Variants in GABBR2 observed in about 807,000 individuals in gnomAD.
GABBR2 encodes the protein gamma-aminobutyric acid type B receptor subunit 2.
A neutral mutation model predicts 105.6 loss-of-function variants in GABBR2; 23 were observed. The ratio of observed to expected loss-of-function variants is 0.22; its 90% CI spans 0.16 to 0.31. The LOEUF (loss-of-function observed/expected upper bound fraction) is 0.31, where lower values mean the gene tolerates loss of function less well. Among genes scored for constraint, GABBR2 ranks in the 10% least tolerant of loss-of-function variants. The pLI is 1.00. For missense variants in GABBR2, 734 were observed against 1,245.5 expected (o/e 0.59, Z 6.18); for synonymous variants, 478 against 499.7 (o/e 0.96, Z 0.58).
Position 98,708,465 on chromosome 9 carries a change from C to G in GABBR2, c.273G>C (p.Glu91Asp). 6.3e-7 allele frequency: 1 copy of G among 1,577,906 alleles called. No homozygotes were observed. The highest frequency in any genetic ancestry group is 8.6e-7 in the Non-Finnish European group (1 of 1,160,500). The change falls in exon 1 of 19, where the codon GAG becomes GAC. Residue 91 changes from glutamate to aspartate, a missense_variant. Glu to Asp is a conservative substitution (Grantham distance 45). This residue lies in a region of GABBR2 where 370 missense variants were observed against 648.9 expected (regional missense o/e 0.57). Transcript: ENST00000259455. Reference sequence around the variant, plus strand: ...CGAGGAAGTAGGGGCGCAGGAGTGACTCGTTGCGGATCTGCTCGATGGCCA... The same window carrying G: ...CGAGGAAGTAGGGGCGCAGGAGTGAGTCGTTGCGGATCTGCTCGATGGCCA... The part of the protein sequence containing the change: ...VELAIEQIRN[E>D]SLLRPYFLDL...
At chr9:98,335,737 A>G (rs1344470010) in intron 13 of GABBR2, among the ~76,000 whole-genome samples, 1 of 152,220 alleles carries the variant, frequency 6.6e-6, no homozygotes, top group Non-Finnish European at 1.5e-5. Context: ...TCTTTTTAGT[A>G]TCAACATATT....
At chr9:98,643,598 C>T (rs1033861916) in intron 1 of GABBR2, among the ~76,000 whole-genome samples, 2 of 152,164 alleles carry the variant, frequency 1.3e-5, no homozygotes, top group Admixed American at 6.5e-5. Flanking sequence ...CGCAGAGGGA[C>T]GGAATTAGCT....
chr9:98,597,092 G>T (rs976816396), intron 1 of GABBR2, among the ~76,000 whole-genome samples: 1 of 152,142 alleles, frequency 6.6e-6, no homozygotes, highest in African/African-American at 2.4e-5. Context: ...GATCCCAGGG[G>T]TTGTCTGGGC....
chr9:98,664,874 C>T (rs568744446), intron 1 of GABBR2, among the ~76,000 whole-genome samples: 5 of 152,238 alleles, frequency 3.3e-5, no homozygotes, highest in Non-Finnish European at 7.4e-5. Context: ...GCTTGTAGTC[C>T]CAGCACTTTG....
chr9:98,510,928 C>T (rs1204738188), intron 3 of GABBR2, among the ~76,000 whole-genome samples: 1 of 152,194 alleles, frequency 6.6e-6, no homozygotes, highest in African/African-American at 2.4e-5. Context: ...ACAGAACTCT[C>T]CACCCCAAAT....
rs1035494949 is a variant in GABBR2, at chr9:98,336,597, C to T, written c.1894-25392G>A. Among the ~76,000 whole-genome samples, 8 of 152,038 alleles carry T rather than the reference C, an allele frequency of 5.3e-5. No homozygotes were observed. In the South Asian group the frequency reaches 6.2e-4, roughly 12 times the overall value. ...GCATGTGCCTGTAGTCCCAGCTACTCGGGAGGCTGAGGCAGGAGAATCGCT... is the reference window on the plus strand; with the variant it reads ...GCATGTGCCTGTAGTCCCAGCTACTTGGGAGGCTGAGGCAGGAGAATCGCT... On this transcript the variant is annotated intron_variant, in intron 13 of 18. Coordinates refer to ENST00000259455, the MANE Select transcript of GABBR2 (RefSeq NM_005458.8).
At chr9:98,392,895 A>C (rs975832694) in intron 9 of GABBR2, among the ~76,000 whole-genome samples, 1 of 150,458 alleles carries the variant, frequency 6.6e-6, no homozygotes, top group African/African-American at 2.5e-5. Flanking sequence ...TGATCAATTC[A>C]TCCATCCATC....
At chr9:98,665,263 T>G (rs7852418) in intron 1 of GABBR2, among the ~76,000 whole-genome samples, 140,967 of 151,838 alleles carry the variant, frequency 0.93, 65,563 homozygotes, top group Middle Eastern at 0.97. Flanking sequence ...GGTGAGTCAG[T>G]CTCTCTCTCT....
intron 8 of GABBR2, among the ~76,000 whole-genome samples, chr9:98,400,520 T>C (rs1832375894): frequency 6.6e-6 from 1 of 152,166 alleles, no homozygotes; most frequent in African/African-American, 2.4e-5. Context: ...AATTCTGCTC[T>C]TGGAAACCTG....
At chr9:98,391,110 A>G (rs1036769531) in intron 9 of GABBR2, among the ~76,000 whole-genome samples, 2 of 152,222 alleles carry the variant, frequency 1.3e-5, no homozygotes, top group African/African-American at 4.8e-5. Context: ...ACAATTAATA[A>G]TCAACTCCCA....
At chr9:98,652,841 A>G (rs1486970748) in intron 1 of GABBR2, among the ~76,000 whole-genome samples, 1 of 152,188 alleles carries the variant, frequency 6.6e-6, no homozygotes, top group East Asian at 1.9e-4. Context: ...GTCAATCCCC[A>G]TGCCCAGGAG....
chr9:98,575,211 T>TGG (rs1828889898), intron 2 of GABBR2, among the ~76,000 whole-genome samples: 2 of 152,076 alleles, frequency 1.3e-5, no homozygotes, highest in Non-Finnish European at 2.9e-5. Context: ...GGCCCTACTT[T>TGG]AGCAGCCCCC....
intron 15 of GABBR2, among the ~76,000 whole-genome samples, chr9:98,305,026 G>A (rs1303553175): frequency 6.7e-6 from 1 of 148,528 alleles, no homozygotes. Flanking sequence ...TCCTTCCTTG[G>A]TCTCCCAAAG....
intron 1 of GABBR2, among the ~76,000 whole-genome samples, chr9:98,645,489 A>T (rs1486483954): frequency 6.6e-6 from 1 of 152,138 alleles, no homozygotes; most frequent in Non-Finnish European, 1.5e-5. Flanking sequence ...TTGGAGGGCT[A>T]CCCTGCACCT....
intron 1 of GABBR2, among the ~76,000 whole-genome samples, chr9:98,648,080 G>GGTGTGTGTGTGTGTGTGTGTGTGTGTGT (rs1554723457): frequency 4.4e-5 from 3 of 67,978 alleles, no homozygotes; most frequent in African/African-American, 1.3e-4. Flanking sequence ...AATCATACAG[G>GGTGTGTGTGTGTGTGTGTGTGTGTGTGT]GTGTGTGTGT....
At position 98,648,080 on chromosome 9, in the gene GABBR2, G is replaced by GGTGTGTGTGTGTGTGTGT. The variant is rs1554723457; in HGVS notation, c.321+60319_321+60336dup. ...CCCCTTTCTATCATTAATCATACAG[G>GGTGTGTGTGTGTGTGTGT]GTGTGTGTGTGTGTGTGTGTGTGTG... On this transcript the variant is annotated intron_variant, in intron 1 of 18. Coordinates refer to ENST00000259455, the MANE Select transcript of GABBR2 (RefSeq NM_005458.8). 2.3e-3 allele frequency among the ~76,000 whole-genome samples: 154 copies of GGTGTGTGTGTGTGTGTGT among 67,990 alleles called. 4 individuals are homozygous for GGTGTGTGTGTGTGTGTGT. The highest frequency in any genetic ancestry group is 4.2e-3 in the African/African-American group (66 of 15,606). The allele number at this position is 67,990 out of a possible 152,430, so 44.6% of individuals were successfully genotyped here.
Position 98,465,731 on chromosome 9 carries a change from C to T in GABBR2, c.999+7415G>A, listed in dbSNP as rs534486071. Among the ~76,000 whole-genome samples, 10 of 152,314 alleles carry T rather than the reference C, an allele frequency of 6.6e-5. No homozygotes were observed. In the South Asian group the frequency reaches 8.3e-4, roughly 13 times the overall value. ...ACATTTCACTTCTGCGTTTGCCTCA[C>T]CCATGCCCTGATGCAAGGTTTTGTG... On this transcript the variant is annotated intron_variant, in intron 6 of 18. Transcript: ENST00000259455.
Position 98,708,621 on chromosome 9 carries a change from G to C in GABBR2, c.117C>G (p.Ala39=). ...LPLLLPLAPG[A]WGWARGAPRP... is the part of the protein sequence containing the mutation. ...GGGGGGCGCCCCGCGCCCAGCCCCAGGCCCCGGGCGCCAGAGGCAGCAGCA... is the reference window on the plus strand; with the variant it reads ...GGGGGGCGCCCCGCGCCCAGCCCCACGCCCCGGGCGCCAGAGGCAGCAGCA... Residue 39 remains alanine (A), a synonymous_variant, in exon 1 of 19, where the codon GCC becomes GCG. Transcript: ENST00000259455. 7.7e-7 allele frequency: 1 copy of C among 1,290,350 alleles called. No homozygotes were observed. Among genetic ancestry groups the C allele is most frequent in the Non-Finnish European group, 9.8e-7 (1 of 1,024,900 alleles). 79.9% of individuals were successfully genotyped at this position (1,290,350 alleles called of 1,614,324 possible). A position where few individuals can be genotyped will look rare whatever the true frequency, so the allele number is the denominator to read the frequency against.
chr9:98,676,007 G>T (rs1830472860), intron 1 of GABBR2, among the ~76,000 whole-genome samples: 1 of 152,198 alleles, frequency 6.6e-6, no homozygotes, highest in Admixed American at 6.5e-5. Flanking sequence ...ATGTCCTAAT[G>T]CCAGAAACCT....
Sources: allele counts gnomAD v4.1 joint callset (sites outside exome capture counted in the v4.1 genomes callset), GRCh38; gene constraint gnomAD v4.1.1; regional missense constraint gnomAD v4.1.1; transcripts MANE v1.5; gene names NCBI Gene and HGNC (gene_info 2026-07-23, HGNC 2026-07-21).